Variants in SCLT1 observed in about 807,000 individuals in gnomAD.
SCLT1 encodes the protein sodium channel-associated protein 1.
Under a neutral mutation model 112.8 loss-of-function variants are expected in SCLT1, and 78 were observed. That is an observed-to-expected ratio of 0.69 (90% CI 0.58 to 0.83). The LOEUF is 0.83. SCLT1 is among the 40% of genes least tolerant of loss of function. The pLI, the probability that SCLT1 is intolerant of heterozygous loss-of-function variation, is 0.00. For synonymous variants in SCLT1, 257 were observed against 254.7 expected, an observed-to-expected ratio of 1.01 and a Z score of -0.09; for missense variants, 747 against 770.4, an observed-to-expected ratio of 0.97 and a Z score of 0.36.
chr4:128,991,467 T>C (rs998284397), intron 9 of SCLT1, among the ~76,000 whole-genome samples: 5 of 151,488 alleles, frequency 3.3e-5, no homozygotes, highest in African/African-American at 1.2e-4. Flanking sequence ...AGCAAAAATG[T>C]ACATATGGGA....
intron 8 of SCLT1, among the ~76,000 whole-genome samples, chr4:128,994,475 A>T (rs754950734): frequency 2.6e-5 from 4 of 152,186 alleles, no homozygotes; most frequent in Non-Finnish European, 4.4e-5. Context: ...CAATAAGCAC[A>T]GGAATGCTAA....
intron 14 of SCLT1, among the ~76,000 whole-genome samples, chr4:128,949,846 CT>C (rs71589013): frequency 4.8e-4 from 69 of 144,688 alleles, no homozygotes; most frequent in Non-Finnish European, 6.2e-4. Flanking sequence ...TTTTTTTCCT[CT>C]TTTTTTTTTT....
intron 9 of SCLT1, among the ~76,000 whole-genome samples, chr4:128,980,479 G>C (rs1741549808): frequency 6.6e-6 from 1 of 152,040 alleles, no homozygotes; most frequent in Non-Finnish European, 1.5e-5. Context: ...TAATATGATA[G>C]AGCAATACTA....
intron 15 of SCLT1, 113 bp from the exon 16 acceptor site, chr4:128,946,265 G>C (rs1738154437): frequency 1.7e-6 from 1 of 604,350 alleles, no homozygotes; most frequent in African/African-American, 1.9e-5. Context: ...GTGTTCATTT[G>C]TTCTGACCGT....
intron 1 of SCLT1, among the ~76,000 whole-genome samples, chr4:129,086,882 C>G (rs2125783112): frequency 6.6e-6 from 1 of 150,742 alleles, no homozygotes; most frequent in Non-Finnish European, 1.5e-5. Flanking sequence ...TTGAATAGGA[C>G]TTCTGCTTAT....
chr4:128,875,411 G>A (rs544629459), intron 4 of SCLT1, among the ~76,000 whole-genome samples: 180 of 152,300 alleles, frequency 1.2e-3, no homozygotes, highest in Middle Eastern at 6.8e-3. Flanking sequence ...TGGCGAGACT[G>A]AAAAATAACG....
intron 3 of SCLT1, among the ~76,000 whole-genome samples, chr4:128,877,657 G>C (rs1049680944): frequency 6.6e-6 from 1 of 151,930 alleles, no homozygotes; most frequent in Non-Finnish European, 1.5e-5. Context: ...CTCCAGCCTG[G>C]GTGACAGAGT....
intron 5 of SCLT1, among the ~76,000 whole-genome samples, chr4:129,034,972 A>C (rs1333871908): frequency 6.6e-6 from 1 of 152,164 alleles, no homozygotes; most frequent in African/African-American, 2.4e-5. Context: ...AAGTAATAAA[A>C]CACCCAACAA....
At chr4:128,931,644 A>T (rs539237164) in intron 18 of SCLT1, among the ~76,000 whole-genome samples, 3 of 152,124 alleles carry the variant, frequency 2.0e-5, no homozygotes, top group Admixed American at 2.0e-4. Flanking sequence ...TTGTATTTTT[A>T]GTAGGGACAG....
At chr4:129,092,848 G>A (rs9968252) in intron 1 of SCLT1, among the ~76,000 whole-genome samples, 2,696 of 152,290 alleles carry the variant, frequency 0.018, 97 homozygotes, top group African/African-American at 0.062. Flanking sequence ...CATGTTTAGC[G>A]TCTAGTAGAA....
In SCLT1 at chr4:128,884,505, G is replaced by C. The variant is rs1452678363; in HGVS notation, c.2039C>G (p.Ala680Gly). 1.2e-6 allele frequency: 2 copies of C among 1,604,350 alleles called. No homozygotes were observed. The highest frequency in any genetic ancestry group is 2.2e-5 in the South Asian group (2 of 90,872). The change falls in exon 21 of 21, where the codon GCC becomes GGC. Residue 680 changes from alanine to glycine, a missense_variant. Coordinates refer to ENST00000281142, the MANE Select transcript of SCLT1 (RefSeq NM_144643.4). ...SVITVQRRKAASLMNLENI is the reference protein window; with the variant it reads ...SVITVQRRKAGSLMNLENI ...AATATTTTCCAGATTCATCAGGGAGGCTGCTTTTCTTCTCTGCACTGTAAT... is the reference window on the plus strand; with the variant it reads ...AATATTTTCCAGATTCATCAGGGAGCCTGCTTTTCTTCTCTGCACTGTAAT...
chr4:128,898,167 G>A (rs1338727634), intron 18 of SCLT1, among the ~76,000 whole-genome samples: 1 of 151,850 alleles, frequency 6.6e-6, no homozygotes, highest in Non-Finnish European at 1.5e-5. Flanking sequence ...TCCATACCAA[G>A]CAGACCTAAT....
intron 5 of SCLT1, among the ~76,000 whole-genome samples, chr4:129,031,071 C>T (rs937736291): frequency 1.3e-5 from 2 of 152,074 alleles, no homozygotes; most frequent in Non-Finnish European, 2.9e-5. Context: ...CAATAAAATA[C>T]TAGCAAACCG....
At chr4:128,987,515 A>G (rs777537472) in intron 9 of SCLT1, among the ~76,000 whole-genome samples, 4 of 152,208 alleles carry the variant, frequency 2.6e-5, no homozygotes, top group Admixed American at 6.5e-5. Context: ...AATTTTTTAA[A>G]AGTCATGTAG....
chr4:128,912,125 A>G (rs547512753), intron 18 of SCLT1, among the ~76,000 whole-genome samples: 2 of 152,318 alleles, frequency 1.3e-5, no homozygotes, highest in Admixed American at 1.3e-4. Flanking sequence ...TAGAGACATC[A>G]TTACACGGAG....
intron 2 of SCLT1, among the ~76,000 whole-genome samples, chr4:129,071,781 T>G (rs1350050258): frequency 6.6e-6 from 1 of 152,170 alleles, no homozygotes. Flanking sequence ...AGTGGAGCAT[T>G]TAGGCCATTT....
At chr4:128,893,685 G>A (rs1262885810) in intron 18 of SCLT1, among the ~76,000 whole-genome samples, 1 of 151,952 alleles carries the variant, frequency 6.6e-6, no homozygotes, top group Non-Finnish European at 1.5e-5. Flanking sequence ...TGGGACTACA[G>A]GCGCCCGCCA....
chr4:128,900,493 G>T (rs1299358860), intron 18 of SCLT1, among the ~76,000 whole-genome samples: 1 of 152,102 alleles, frequency 6.6e-6, no homozygotes. Flanking sequence ...GCTGAAACTG[G>T]ATCCCTTCCT....
At position 129,044,040 on chromosome 4, in the gene SCLT1, G is replaced by T; in HGVS notation, c.114C>A (p.Cys38Ter). The change falls in exon 3 of 21, where the codon TGC becomes TGA. Residue 38 changes from cysteine to a stop codon, truncating the protein, a stop_gained. Coordinates refer to ENST00000281142, the MANE Select transcript of SCLT1 (RefSeq NM_144643.4). LOFTEE classifies it high-confidence loss of function. ...CAAATGTGTCGTCTCCTTCTCCTTGGCAGACAGCTTTCTATAAAAGAATGT... is the reference window on the plus strand; with the variant it reads ...CAAATGTGTCGTCTCCTTCTCCTTGTCAGACAGCTTTCTATAAAAGAATGT... ...SKYSSVQKAV[C>*]QGEGDDTFEN... 2 of 1,562,230 alleles carry T rather than the reference G, an allele frequency of 1.3e-6. No homozygotes were observed. Among genetic ancestry groups the T allele is most frequent in the Non-Finnish European group, 1.8e-6 (2 of 1,139,400 alleles).
Sources: gnomAD v4.1 joint callset for allele counts (sites outside exome capture counted in the v4.1 genomes callset) on GRCh38, gnomAD v4.1.1 for gene constraint, MANE v1.5 for transcripts, NCBI Gene and HGNC (gene_info 2026-07-23, HGNC 2026-07-21) for gene names.